OSBPL10: variants seen among roughly 807,000 people sequenced by gnomAD.
The protein encoded by OSBPL10 is oxysterol binding protein like 10.
A neutral mutation model predicts 81.7 loss-of-function variants in OSBPL10; 49 were observed. The ratio of observed to expected loss-of-function variants is 0.60; its 90% confidence interval spans 0.48 to 0.76. OSBPL10 has a LOEUF of 0.76. OSBPL10 is among the 30% of genes least tolerant of loss of function. The pLI is 0.00. For missense variants in OSBPL10, 923 were observed against 987.8 expected (o/e 0.93, Z 0.88); for synonymous variants, 419 against 383.6 (o/e 1.09, Z -1.08).
At chr3:32,072,077 AG>A (rs1699834073) in intron 1 of OSBPL10, among the ~76,000 whole-genome samples, 1 of 152,072 alleles carries the variant, frequency 6.6e-6, no homozygotes, top group Non-Finnish European at 1.5e-5. Flanking sequence ...CCTTCACTCA[AG>A]CCCTCACTCT....
intron 2 of OSBPL10, among the ~76,000 whole-genome samples, chr3:32,028,231 TC>T (rs1699434873): frequency 6.6e-6 from 1 of 152,238 alleles, no homozygotes. Flanking sequence ...AACTTGGTCT[TC>T]ATGTCAAATG....
chr3:31,757,286 G>C (rs1488348876), intron 4 of OSBPL10, among the ~76,000 whole-genome samples: 1 of 152,108 alleles, frequency 6.6e-6, no homozygotes, highest in African/African-American at 2.4e-5. Flanking sequence ...AATCCGGTAT[G>C]ACTGGTGTTC....
intron 1 of OSBPL10, among the ~76,000 whole-genome samples, chr3:31,915,548 G>A (rs887423286): frequency 6.6e-6 from 1 of 152,130 alleles, no homozygotes; most frequent in African/African-American, 2.4e-5. Context: ...ATATGTGTAA[G>A]CTAAACATTG....
chr3:31,855,039 T>C (rs1700875766), intron 3 of OSBPL10, among the ~76,000 whole-genome samples: 1 of 152,216 alleles, frequency 6.6e-6, no homozygotes, highest in African/African-American at 2.4e-5. Flanking sequence ...TGTTTTTGTT[T>C]TGCCAGAGAC....
chr3:31,900,855 T>C (rs1251601494), intron 1 of OSBPL10, among the ~76,000 whole-genome samples: 2 of 152,248 alleles, frequency 1.3e-5, no homozygotes, highest in Admixed American at 1.3e-4. Context: ...CATTTCTAAG[T>C]ATTTTTACCA....
At chr3:31,726,859 G>C (rs891972894) in intron 6 of OSBPL10, among the ~76,000 whole-genome samples, 1 of 143,662 alleles carries the variant, frequency 7.0e-6, no homozygotes, top group Non-Finnish European at 1.5e-5. Flanking sequence ...ATTATTATTT[G>C]CTGAGACTGG....
chr3:32,003,889 C>A (rs1402173959), intron 2 of OSBPL10, among the ~76,000 whole-genome samples: 1 of 152,134 alleles, frequency 6.6e-6, no homozygotes, highest in Non-Finnish European at 1.5e-5. Flanking sequence ...AGTTCTAGAA[C>A]ACGGGCTAAT....
chr3:31,779,799 C>CGT (rs1698641226), intron 4 of OSBPL10, among the ~76,000 whole-genome samples: 3 of 152,120 alleles, frequency 2.0e-5, no homozygotes, highest in Non-Finnish European at 2.9e-5. Context: ...ATATGATATA[C>CGT]CACAAAACAA....
At chr3:31,672,273 TAA>T (rs2125517016) in intron 8 of OSBPL10, among the ~76,000 whole-genome samples, 1 of 150,128 alleles carries the variant, frequency 6.7e-6, no homozygotes, top group East Asian at 2.0e-4. Context: ...AACAAACTTT[TAA>T]GAGAGGTTAA....
chr3:31,771,073 G>A (rs1482738926), intron 4 of OSBPL10, among the ~76,000 whole-genome samples: 3 of 152,172 alleles, frequency 2.0e-5, no homozygotes, highest in Admixed American at 2.0e-4. Flanking sequence ...CTTATCATGA[G>A]GAATGAATCA....
chr3:31,767,075 G>C (rs17028272), intron 4 of OSBPL10, among the ~76,000 whole-genome samples: 3,136 of 152,222 alleles, frequency 0.021, 103 homozygotes, highest in African/African-American at 0.072. Flanking sequence ...AACCCAATTA[G>C]CTACGTTATA....
chr3:31,976,555 C>A (rs376009271), intron 1 of OSBPL10, among the ~76,000 whole-genome samples: 22 of 152,294 alleles, frequency 1.4e-4, no homozygotes, highest in African/African-American at 4.8e-4. Flanking sequence ...TGTGCTCAAG[C>A]AATCCTCCCA....
At chr3:31,760,083 C>T (rs1427448136) in intron 4 of OSBPL10, among the ~76,000 whole-genome samples, 1 of 151,978 alleles carries the variant, frequency 6.6e-6, no homozygotes, top group South Asian at 2.1e-4. Flanking sequence ...TTTTAAAAAT[C>T]GCAAGGAAGA....
At chr3:31,914,971 T>C (rs72851863) in intron 1 of OSBPL10, among the ~76,000 whole-genome samples, 21,568 of 151,970 alleles carry the variant, frequency 0.14, 1,902 homozygotes, top group African/African-American at 0.22. Flanking sequence ...TTTGGTTTTG[T>C]TTTTTCCCTT....
intron 1 of OSBPL10, among the ~76,000 whole-genome samples, chr3:31,893,410 T>C (rs1695958178): frequency 1.3e-5 from 2 of 152,066 alleles, no homozygotes; most frequent in Admixed American, 6.5e-5. Flanking sequence ...AAAAAGACAA[T>C]GACAAATGGT....
At chr3:31,824,886 A>T (rs1269827853) in intron 4 of OSBPL10, among the ~76,000 whole-genome samples, 1 of 152,164 alleles carries the variant, frequency 6.6e-6, no homozygotes, top group African/African-American at 2.4e-5. Context: ...TGTACGCTCA[A>T]CTGTTTCCTA....
chr3:31,747,261 T>C (rs1439712077), intron 5 of OSBPL10, among the ~76,000 whole-genome samples: 1 of 151,658 alleles, frequency 6.6e-6, no homozygotes, highest in East Asian at 1.9e-4. Context: ...GAGGCTGTAG[T>C]GAGCCGAGAT....
chr3:31,893,759 C>T (rs1228261606), intron 1 of OSBPL10, among the ~76,000 whole-genome samples: 1 of 152,070 alleles, frequency 6.6e-6, no homozygotes. Flanking sequence ...AAAAACACTA[C>T]AAATTGTATC....
intron 3 of OSBPL10, among the ~76,000 whole-genome samples, chr3:31,835,281 T>C (rs1003958377): frequency 2.0e-5 from 3 of 152,148 alleles, no homozygotes; most frequent in Admixed American, 6.5e-5. Context: ...ATTAATCCAA[T>C]CTACATGGGT....
Sources: allele counts gnomAD v4.1 joint callset (sites outside exome capture counted in the v4.1 genomes callset), GRCh38; gene constraint gnomAD v4.1.1; transcripts MANE v1.5; gene names NCBI Gene and HGNC (gene_info 2026-07-23, HGNC 2026-07-21).